LRRC4C: variants seen among roughly 807,000 people sequenced by gnomAD.
The protein encoded by LRRC4C is leucine-rich repeat-containing protein 4C.
LRRC4C carries 5 observed loss-of-function variants against 33.6 expected under a neutral mutation model. The observed-to-expected ratio is 0.15, with a 90% CI of 0.08 to 0.31. The LOEUF (loss-of-function observed/expected upper bound fraction) is 0.31, where lower values mean the gene tolerates loss of function less well. Among genes scored for constraint, LRRC4C ranks in the 10% least tolerant of loss-of-function variants. LRRC4C has a pLI of 1.00. For synonymous variants in LRRC4C, 329 were observed against 302.0 expected (o/e 1.09, Z -0.93); for missense variants, 560 against 796.7 (o/e 0.70, Z 3.58).
At chr11:40,135,523 T>C (rs905182261) in intron 6 of LRRC4C, among the ~76,000 whole-genome samples, 1 of 152,180 alleles carries the variant, frequency 6.6e-6, no homozygotes, top group Admixed American at 6.5e-5. Flanking sequence ...AATAGAGCTG[T>C]ACATGAAAAG....
At chr11:40,245,835 A>G (rs1363559750) in intron 4 of LRRC4C, among the ~76,000 whole-genome samples, 1 of 152,124 alleles carries the variant, frequency 6.6e-6, no homozygotes, top group African/African-American at 2.4e-5. Flanking sequence ...CAATAAAGGC[A>G]TACTATTTTT....
At chr11:41,210,372 T>A (rs555609946) in intron 1 of LRRC4C, among the ~76,000 whole-genome samples, 1 of 152,218 alleles carries the variant, frequency 6.6e-6, no homozygotes, top group African/African-American at 2.4e-5. Context: ...GATCTGATGG[T>A]TTTACAAGGG....
intron 1 of LRRC4C, among the ~76,000 whole-genome samples, chr11:40,991,729 G>T (rs1387342764): frequency 6.6e-6 from 1 of 152,092 alleles, no homozygotes; most frequent in East Asian, 1.9e-4. Context: ...CAGATTCCTG[G>T]TATACACAGT....
At chr11:41,054,346 T>G (rs1275300334) in intron 1 of LRRC4C, among the ~76,000 whole-genome samples, 1 of 152,106 alleles carries the variant, frequency 6.6e-6, no homozygotes, top group African/African-American at 2.4e-5. Flanking sequence ...GGAGAGAAGG[T>G]AGGAAACTGA....
intron 1 of LRRC4C, among the ~76,000 whole-genome samples, chr11:41,283,705 T>C (rs7113060): frequency 0.99 from 150,348 of 152,290 alleles, 74,242 homozygotes; most frequent in East Asian, 1. Context: ...ACCCACAAAG[T>C]CTCAACTATT....
At chr11:41,265,265 A>C (rs923657625) in intron 1 of LRRC4C, among the ~76,000 whole-genome samples, 5 of 152,144 alleles carry the variant, frequency 3.3e-5, no homozygotes, top group South Asian at 2.1e-4. Context: ...TATTCTGCTC[A>C]CTCTGCAGGT....
intron 1 of LRRC4C, among the ~76,000 whole-genome samples, chr11:41,182,312 C>A (rs1336822518): frequency 1.3e-5 from 2 of 152,068 alleles, no homozygotes; most frequent in Non-Finnish European, 2.9e-5. Context: ...TACCTGAAAC[C>A]ATAAGAATCT....
intron 5 of LRRC4C, among the ~76,000 whole-genome samples, chr11:40,154,099 G>A (rs993057567): frequency 6.6e-6 from 1 of 152,048 alleles, no homozygotes; most frequent in Non-Finnish European, 1.5e-5. Context: ...CATAAACCCT[G>A]CAAGCTAGAC....
At position 41,448,122 on chromosome 11, in the gene LRRC4C, G is replaced by GTTTTTTTTTTTTTTTTTT. The variant is rs71063918; in HGVS notation, c.-496+11291_-496+11308dup. 1.4e-3 allele frequency among the ~76,000 whole-genome samples: 65 copies of GTTTTTTTTTTTTTTTTTT among 46,906 alleles called. 13 individuals are homozygous for GTTTTTTTTTTTTTTTTTT. Among genetic ancestry groups the GTTTTTTTTTTTTTTTTTT allele is most frequent in the African/African-American group, 2.3e-3 (30 of 12,916 alleles). The allele number at this position is 46,906 out of a possible 152,430, so 30.8% of individuals were successfully genotyped here. ...ACAAACGAGGCTGCTGCACACGTCT[G>GTTTTTTTTTTTTTTTTTT]TTTTTTTTTTTTTTTTTTTTGGAGC... On this transcript the variant is annotated intron_variant, in intron 1 of 6. Coordinates refer to ENST00000528697, the MANE Select transcript of LRRC4C (RefSeq NM_001258419.2).
intron 3 of LRRC4C, among the ~76,000 whole-genome samples, chr11:40,469,141 G>A (rs1436596940): frequency 6.6e-6 from 1 of 152,204 alleles, no homozygotes; most frequent in African/African-American, 2.4e-5. Flanking sequence ...TGAGATCAAC[G>A]CAGAAGGTGG....
At chr11:40,877,256 G>A (rs558171846) in intron 2 of LRRC4C, among the ~76,000 whole-genome samples, 25 of 152,042 alleles carry the variant, frequency 1.6e-4, no homozygotes, top group Non-Finnish European at 2.2e-4. Context: ...TGTTCTGTCC[G>A]TATGCACATA....
At chr11:40,676,232 T>C (rs1056784019) in intron 2 of LRRC4C, among the ~76,000 whole-genome samples, 7 of 152,186 alleles carry the variant, frequency 4.6e-5, no homozygotes, top group Non-Finnish European at 7.3e-5. Context: ...AAATCTTTTA[T>C]GGCAGCTTGC....
At chr11:40,524,806 C>A (rs1216376660) in intron 3 of LRRC4C, among the ~76,000 whole-genome samples, 2 of 152,140 alleles carry the variant, frequency 1.3e-5, no homozygotes, top group Non-Finnish European at 2.9e-5. Flanking sequence ...TAAAAAGAAA[C>A]AGATATGGTC....
intron 3 of LRRC4C, among the ~76,000 whole-genome samples, chr11:40,358,940 T>C (rs1947815353): frequency 6.6e-6 from 1 of 152,062 alleles, no homozygotes; most frequent in Non-Finnish European, 1.5e-5. Flanking sequence ...CTGATTCCCA[T>C]GCTTATTCTT....
chr11:40,713,371 T>C (rs1946557644), intron 2 of LRRC4C, among the ~76,000 whole-genome samples: 1 of 152,200 alleles, frequency 6.6e-6, no homozygotes, highest in South Asian at 2.1e-4. Flanking sequence ...GTATTCCTAA[T>C]ACTTCTATCT....
chr11:40,995,297 T>C (rs1490076067), intron 1 of LRRC4C, among the ~76,000 whole-genome samples: 1 of 152,104 alleles, frequency 6.6e-6, no homozygotes, highest in Non-Finnish European at 1.5e-5. Context: ...GAATACCTTG[T>C]TCTTATTCAT....
intron 3 of LRRC4C, among the ~76,000 whole-genome samples, chr11:40,573,588 C>T (rs1482174693): frequency 6.6e-6 from 1 of 152,126 alleles, no homozygotes; most frequent in Admixed American, 6.6e-5. Flanking sequence ...AATTCAATAT[C>T]CCTCTTCTGA....
At chr11:40,292,068 T>C (rs1470308107) in intron 4 of LRRC4C, 1 of 151,370 alleles carries the variant, frequency 6.6e-6, no homozygotes, top group East Asian at 1.9e-4. Flanking sequence ...TCCCTTATTT[T>C]CTGGCCCCCA....
intron 3 of LRRC4C, among the ~76,000 whole-genome samples, chr11:40,403,354 A>G (rs2137564218): frequency 6.6e-6 from 1 of 152,250 alleles, no homozygotes; most frequent in African/African-American, 2.4e-5. Context: ...AAATTTACTA[A>G]ATAGTCCACA....
Sources: gnomAD v4.1 joint callset for allele counts (sites outside exome capture counted in the v4.1 genomes callset) on GRCh38, gnomAD v4.1.1 for gene constraint, MANE v1.5 for transcripts, NCBI Gene and HGNC (gene_info 2026-07-23, HGNC 2026-07-21) for gene names.